The following CELF4 variants were observed in gnomAD, a reference collection of about 807,000 sequenced individuals.
CELF4 encodes CUG-BP- and ETR-3-like factor 4.
A neutral mutation model predicts 59.9 loss-of-function variants in CELF4; 18 were observed. The ratio of observed to expected loss-of-function variants is 0.30; its 90% CI spans 0.21 to 0.45. CELF4 has a LOEUF of 0.45. Ranked by LOEUF, CELF4 falls within the 20% of genes least tolerant of loss-of-function variation. The pLI, the probability that CELF4 is intolerant of heterozygous loss-of-function variation, is 1.00. For synonymous variants in CELF4, 261 were observed against 267.1 expected, an observed-to-expected ratio of 0.98 and a Z score of 0.22; for missense variants, 456 against 689.0, an observed-to-expected ratio of 0.66 and a Z score of 3.79.
At chr18:37,394,326 C>T (rs1192388273) in intron 2 of CELF4, among the ~76,000 whole-genome samples, 2 of 152,200 alleles carry the variant, frequency 1.3e-5, no homozygotes, top group Non-Finnish European at 2.9e-5. Context: ...GGCGGCTTCT[C>T]CCCTCCTGCT....
chr18:37,288,018 G>A (rs2094970853), intron 3 of CELF4, among the ~76,000 whole-genome samples: 1 of 152,172 alleles, frequency 6.6e-6, no homozygotes, highest in South Asian at 2.1e-4. Flanking sequence ...ACCTGCTGGG[G>A]TGCTGACTCT....
chr18:37,474,524 G>A (rs989959294), intron 2 of CELF4, among the ~76,000 whole-genome samples: 1 of 152,252 alleles, frequency 6.6e-6, no homozygotes, highest in Admixed American at 6.5e-5. Context: ...TGAGGAGGAA[G>A]GAGCATGGGC....
chr18:37,303,897 A>G (rs927553550), intron 3 of CELF4, among the ~76,000 whole-genome samples: 36 of 151,970 alleles, frequency 2.4e-4, no homozygotes, highest in African/African-American at 8.7e-4. Flanking sequence ...AGGCATCCCA[A>G]CCCCTCCTGG....
chr18:37,274,559 G>A, intron 5 of CELF4, 105 bp from the exon 6 acceptor site: 2 of 1,589,276 alleles, frequency 1.3e-6, no homozygotes, highest in Non-Finnish European at 1.7e-6. Flanking sequence ...GGGGCGCTTT[G>A]GAGGAGGCGG....
chr18:37,266,357 G>T, intron 9 of CELF4, 176 bp downstream of exon 9: 1 of 685,136 alleles, frequency 1.5e-6, no homozygotes, highest in South Asian at 1.8e-5. Flanking sequence ...CACTCTCGGT[G>T]GCCCGCTGAC....
rs1429585554 is a variant in CELF4, at chr18:37,437,924, G to C, written c.369+47601C>G. ...GCCTTTGGGAGATTAATTAGGTGTAGATGAGGTCAGGAAGGTGAGGCCCTC... is the reference window on the plus strand; with the variant it reads ...GCCTTTGGGAGATTAATTAGGTGTACATGAGGTCAGGAAGGTGAGGCCCTC... On this transcript the variant is annotated intron_variant, in intron 2 of 12. Coordinates refer to ENST00000420428, the MANE Select transcript of CELF4 (RefSeq NM_020180.4). Among the ~76,000 whole-genome samples, 3 of 152,276 alleles carry C rather than the reference G, an allele frequency of 2.0e-5. No homozygotes were observed. The East Asian group carries it at 5.8e-4, about 29-fold the overall frequency.
chr18:37,563,843 A>G (rs1192854194), intron 1 of CELF4, among the ~76,000 whole-genome samples: 2 of 152,210 alleles, frequency 1.3e-5, no homozygotes, highest in Non-Finnish European at 1.5e-5. Context: ...ACTAAAGCCA[A>G]TAAAAACTGC....
intron 1 of CELF4, among the ~76,000 whole-genome samples, chr18:37,488,686 T>C (rs1346299532): frequency 6.6e-6 from 1 of 152,160 alleles, no homozygotes; most frequent in Non-Finnish European, 1.5e-5. Flanking sequence ...CAGAAAAGAC[T>C]GATAAACAAC....
intron 1 of CELF4, among the ~76,000 whole-genome samples, chr18:37,510,639 G>A (rs1305375127): frequency 1.3e-5 from 2 of 152,232 alleles, no homozygotes; most frequent in African/African-American, 4.8e-5. Flanking sequence ...ATGCCTGGTG[G>A]TCTGAGGGGG....
intron 2 of CELF4, among the ~76,000 whole-genome samples, chr18:37,406,890 C>A (rs1050875689): frequency 6.6e-6 from 1 of 152,052 alleles, no homozygotes; most frequent in African/African-American, 2.4e-5. Flanking sequence ...GCCAGGAATT[C>A]AAGGTGGGCC....
chr18:37,526,534 G>A (rs1212517927), intron 1 of CELF4, among the ~76,000 whole-genome samples: 4 of 152,160 alleles, frequency 2.6e-5, no homozygotes, highest in African/African-American at 7.2e-5. Context: ...ACTACTCAGC[G>A]CTTGGGAGGT....
chr18:37,250,162 A>G (rs1453495240), intron 12 of CELF4, among the ~76,000 whole-genome samples: 1 of 152,126 alleles, frequency 6.6e-6, no homozygotes, highest in Non-Finnish European at 1.5e-5. Context: ...ACCTGGCCAC[A>G]TGCATGTTTT....
Position 37,398,298 on chromosome 18 carries a change from CAGG to C in CELF4, c.370-76420_370-76418del, listed in dbSNP as rs1377282776. Among the ~76,000 whole-genome samples, 251 of 152,242 alleles carry C rather than the reference CAGG, an allele frequency of 1.6e-3. 2 individuals carry two copies. Among genetic ancestry groups the C allele is most frequent in the African/African-American group, 5.6e-3 (233 of 41,552 alleles). On this transcript the variant is annotated intron_variant, in intron 2 of 12. Coordinates refer to ENST00000420428, the MANE Select transcript of CELF4 (RefSeq NM_020180.4). Reference sequence around the variant, plus strand: ...GCTGGAAAAGTGGGCAAACGAGGGCCAGGATGACAGTGAAAGTCCTGTCCTGGG... The same window carrying C: ...GCTGGAAAAGTGGGCAAACGAGGGCCATGACAGTGAAAGTCCTGTCCTGGG...
chr18:37,548,543 C>G (rs985012782), intron 1 of CELF4, among the ~76,000 whole-genome samples: 1 of 152,154 alleles, frequency 6.6e-6, no homozygotes, highest in Non-Finnish European at 1.5e-5. Flanking sequence ...GCCTTTGTGC[C>G]GCCCCTTATG....
chr18:37,524,655 C>A (rs901740212), intron 1 of CELF4, among the ~76,000 whole-genome samples: 4 of 152,214 alleles, frequency 2.6e-5, no homozygotes, highest in Admixed American at 2.0e-4. Flanking sequence ...CCTCTGGCGC[C>A]GTCCGCCCGC....
chr18:37,485,426 CCTGCCGTCCTCTCCCCGCGCGCCGCG>C (rs2099879020), intron 2 of CELF4, 73 bp downstream of exon 2: 8 of 556,412 alleles, frequency 1.4e-5, no homozygotes, highest in Non-Finnish European at 1.9e-5. Context: ...CGGCGGGCGC[CCTGCCGTCCTCTCCCCGCGCGCCGCG>C]CCGCCGCCCG....
chr18:37,552,808 G>A (rs369486910), intron 1 of CELF4, among the ~76,000 whole-genome samples: 9 of 152,206 alleles, frequency 5.9e-5, no homozygotes, highest in South Asian at 4.1e-4. Flanking sequence ...GGCTTCCCAC[G>A]TATCTCAGCT....
chr18:37,492,359 G>A (rs1280740605), intron 1 of CELF4, among the ~76,000 whole-genome samples: 1 of 152,184 alleles, frequency 6.6e-6, no homozygotes, highest in Non-Finnish European at 1.5e-5. Flanking sequence ...ACCCCCGGCT[G>A]CACCTGAGAA....
intron 2 of CELF4, among the ~76,000 whole-genome samples, chr18:37,336,921 C>T (rs909205010): frequency 6.6e-6 from 1 of 151,928 alleles, no homozygotes; most frequent in African/African-American, 2.4e-5. Flanking sequence ...GCCGGGCTGG[C>T]CCCATGACCC....
Sources: allele counts gnomAD v4.1 joint callset (sites outside exome capture counted in the v4.1 genomes callset), GRCh38; gene constraint gnomAD v4.1.1; transcripts MANE v1.5; gene names NCBI Gene and HGNC (gene_info 2026-07-23, HGNC 2026-07-21).